Variants in DCDC1 observed in about 807,000 individuals in gnomAD.
DCDC1 encodes doublecortin domain-containing protein 1.
A neutral mutation model predicts 178.3 loss-of-function variants in DCDC1; 200 were observed. The ratio of observed to expected loss-of-function variants is 1.12; its 90% confidence interval spans 1.00 to 1.26. The LOEUF (loss-of-function observed/expected upper bound fraction) is 1.26. Among genes scored for constraint, DCDC1 ranks in the 50% most tolerant of loss-of-function variants. The pLI, the probability that DCDC1 is intolerant of heterozygous loss-of-function variation, is 0.00. For missense variants in DCDC1, 1,983 were observed against 1,749.2 expected (o/e 1.13, Z -2.38); for synonymous variants, 690 against 604.8 (o/e 1.14, Z -2.07).
At chr11:31,265,063 G>A (rs1945058008) in intron 8 of DCDC1, among the ~76,000 whole-genome samples, 1 of 151,954 alleles carries the variant, frequency 6.6e-6, no homozygotes, top group Non-Finnish European at 1.5e-5. Context: ...TCTTCCTAGT[G>A]GTTCCAAACT....
intron 9 of DCDC1, among the ~76,000 whole-genome samples, chr11:31,171,612 A>C (rs114778811): frequency 3.3e-5 from 5 of 152,288 alleles, no homozygotes; most frequent in Admixed American, 2.0e-4. Context: ...CTGGAAATCA[A>C]ATTCTCCATC....
At chr11:31,308,956 A>G (rs576564213) in intron 3 of DCDC1, among the ~76,000 whole-genome samples, 3 of 151,898 alleles carry the variant, frequency 2.0e-5, no homozygotes, top group African/African-American at 4.8e-5. Flanking sequence ...ATAAATTAAC[A>G]TATGTTCAGT....
At chr11:30,915,824 G>C in intron 26 of DCDC1, 113 bp from the exon 27 acceptor site, 1 of 1,035,618 alleles carries the variant, frequency 9.7e-7, no homozygotes. Context: ...CGTGAAACAC[G>C]TTAACTTGAA....
intron 8 of DCDC1, among the ~76,000 whole-genome samples, chr11:31,252,494 G>A (rs947921063): frequency 1.3e-5 from 2 of 152,038 alleles, no homozygotes; most frequent in Non-Finnish European, 2.9e-5. Context: ...TGTCTAATAG[G>A]AATAATAATG....
intron 6 of DCDC1, among the ~76,000 whole-genome samples, chr11:31,304,697 T>C (rs568273568): frequency 1.1e-4 from 16 of 152,282 alleles, no homozygotes; most frequent in Admixed American, 5.2e-4. Flanking sequence ...CTTCTACTTA[T>C]GCAATTACTG....
At chr11:30,936,301 TG>T (rs1947273588) in intron 21 of DCDC1, among the ~76,000 whole-genome samples, 1 of 152,304 alleles carries the variant, frequency 6.6e-6, no homozygotes, top group South Asian at 2.1e-4. Flanking sequence ...AGTCTTTTCT[TG>T]GGGCTGTCCT....
chr11:31,144,662 T>C (rs1008253877), intron 9 of DCDC1, among the ~76,000 whole-genome samples: 11 of 152,180 alleles, frequency 7.2e-5, no homozygotes, highest in Admixed American at 4.6e-4. Context: ...AGTAGTAATA[T>C]TGAACTTTTT....
chr11:31,252,384 CA>C (rs1944102791), intron 8 of DCDC1, among the ~76,000 whole-genome samples: 1 of 152,056 alleles, frequency 6.6e-6, no homozygotes, highest in Non-Finnish European at 1.5e-5. Context: ...ACTAGCACTA[CA>C]AATACAAGAT....
intron 9 of DCDC1, among the ~76,000 whole-genome samples, chr11:31,230,482 C>T (rs2136769461): frequency 6.6e-6 from 1 of 152,210 alleles, no homozygotes; most frequent in East Asian, 1.9e-4. Context: ...GCGGTACTAA[C>T]TCAGCAACAG....
At chr11:31,159,686 G>A (rs1303300639) in intron 9 of DCDC1, among the ~76,000 whole-genome samples, 1 of 152,114 alleles carries the variant, frequency 6.6e-6, no homozygotes, top group Non-Finnish European at 1.5e-5. Context: ...GGTCAGAAAG[G>A]AATTTCCTCT....
In DCDC1 at chr11:30,916,875, T is replaced by C; in HGVS notation, c.3447A>G (p.Lys1149=). 3 of 1,601,742 alleles carry C rather than the reference T, an allele frequency of 1.9e-6. No individual in the cohort carries two copies. Among genetic ancestry groups the C allele is most frequent in the Non-Finnish European group, 2.6e-6 (3 of 1,175,312 alleles). The change falls in exon 26 of 39, where the codon AAA becomes AAG. Residue 1149 remains lysine (K), a synonymous_variant. Transcript: ENST00000684477. ...GLFENVEPQK[K]HSCSPKHSKL... ...AATCCTTTGCAACTTTTTACCTGTG[T>C]TTCTTCTGTGGTTCCACATTTTCAA...
intron 36 of DCDC1, among the ~76,000 whole-genome samples, chr11:30,891,300 TA>T (rs1943750097): frequency 1.3e-5 from 2 of 152,150 alleles, no homozygotes; most frequent in East Asian, 1.9e-4. Context: ...ATAAAGCTCA[TA>T]AAAATTATAT....
At chr11:31,150,383 A>G (rs1965028258) in intron 9 of DCDC1, among the ~76,000 whole-genome samples, 1 of 152,252 alleles carries the variant, frequency 6.6e-6, no homozygotes, top group Non-Finnish European at 1.5e-5. Flanking sequence ...ATGGGAAATA[A>G]TATCATTACA....
intron 2 of DCDC1, among the ~76,000 whole-genome samples, chr11:31,330,658 C>A (rs529650077): frequency 2.6e-5 from 4 of 152,168 alleles, no homozygotes; most frequent in Non-Finnish European, 5.9e-5. Context: ...ATAGCGAATT[C>A]TTTCCCCATT....
chr11:30,923,025 G>A (rs57572349), intron 23 of DCDC1, among the ~76,000 whole-genome samples: 2,853 of 151,836 alleles, frequency 0.019, 91 homozygotes, highest in African/African-American at 0.064. Context: ...AGCAAGGGAG[G>A]GAGGGAGGGA....
At chr11:31,162,180 T>C (rs959636317) in intron 9 of DCDC1, among the ~76,000 whole-genome samples, 4 of 152,214 alleles carry the variant, frequency 2.6e-5, no homozygotes, top group Admixed American at 6.6e-5. Context: ...TTTTGAATTA[T>C]GTTATTTCAA....
chr11:30,900,015 G>A lies in DCDC1; in HGVS notation c.4663+331C>T, dbSNP rs529460306. Among the ~76,000 whole-genome samples the A allele has an allele frequency of 1.0e-3, 152 of 152,142 alleles. 2 individuals carry two copies. The highest frequency in any genetic ancestry group is 3.4e-3 in the African/African-American group (140 of 41,536). On this transcript the variant is annotated intron_variant, in intron 33 of 38. Transcript: ENST00000684477. Reference sequence around the variant, plus strand: ...CTTAAAAATGAAAATGTGCAGACAGGTCGTCCTCAGTGTGAATTAAACTCA... The same window carrying A: ...CTTAAAAATGAAAATGTGCAGACAGATCGTCCTCAGTGTGAATTAAACTCA...
At chr11:31,212,951 G>A (rs190170378) in intron 9 of DCDC1, among the ~76,000 whole-genome samples, 7 of 152,150 alleles carry the variant, frequency 4.6e-5, no homozygotes, top group South Asian at 4.1e-4. Flanking sequence ...TGTGTACTAC[G>A]TGAAGAAGAA....
At chr11:31,021,107 C>G (rs1210914248) in intron 20 of DCDC1, among the ~76,000 whole-genome samples, 2 of 152,170 alleles carry the variant, frequency 1.3e-5, no homozygotes, top group Non-Finnish European at 2.9e-5. Context: ...ATGTATGCAA[C>G]AGGCACTTTT....
Sources: gnomAD v4.1 joint callset for allele counts (sites outside exome capture counted in the v4.1 genomes callset) on GRCh38, gnomAD v4.1.1 for gene constraint, MANE v1.5 for transcripts, NCBI Gene and HGNC (gene_info 2026-07-23, HGNC 2026-07-21) for gene names.